The following USP8 variants were observed in gnomAD, a reference collection of about 807,000 sequenced individuals.
The protein encoded by USP8 is ubiquitin carboxyl-terminal hydrolase 8.
A neutral mutation model predicts 130.0 loss-of-function variants in USP8; 27 were observed. That is an observed-to-expected ratio of 0.21 (90% CI 0.15 to 0.29). The LOEUF is 0.29. USP8 is among the 10% of genes least tolerant of loss of function. The pLI is 1.00. For missense variants in USP8, 1,029 were observed against 1,312.2 expected (o/e 0.78, Z 3.33); for synonymous variants, 392 against 444.1 (o/e 0.88, Z 1.48).
At position 50,512,251 on chromosome 15, in the gene USP8, C is replaced by G. The variant is rs2052747901; in HGVS notation, c.*13163C>G. 1 of 151,644 alleles carries G rather than the reference C, an allele frequency of 6.6e-6. No homozygotes were observed. The highest frequency in any genetic ancestry group is 1.5e-5 in the Non-Finnish European group (1 of 68,024). The allele number at this position is 151,644 out of a possible 1,614,324, so 9.4% of individuals were successfully genotyped here. On this transcript the variant is annotated 3_prime_UTR_variant, in exon 20 of 20. Coordinates refer to ENST00000307179, the MANE Select transcript of USP8 (RefSeq NM_005154.5). ...GCTGAGTTACGAGAATCCCTTGAAC[C>G]TGGGAGGCGGAAGTTGCAGTGAGCT...
At chr15:50,496,311 C>T (rs1435807122) in intron 17 of USP8, among the ~76,000 whole-genome samples, 1 of 151,952 alleles carries the variant, frequency 6.6e-6, no homozygotes, top group East Asian at 1.9e-4. Flanking sequence ...GAAACCCCAT[C>T]TCTACTAAAA....
chr15:50,471,915 T>C, intron 8 of USP8, 120 bp downstream of exon 8: 1 of 1,198,466 alleles, frequency 8.3e-7, no homozygotes, highest in Non-Finnish European at 1.2e-6. Context: ...TTTTTTTTTT[T>C]TTTGAGACTG....
At chr15:50,483,569 C>T (rs1043497745) in intron 11 of USP8, among the ~76,000 whole-genome samples, 8 of 152,190 alleles carry the variant, frequency 5.3e-5, no homozygotes, top group African/African-American at 1.7e-4. Flanking sequence ...CCTAGACGAG[C>T]GGATCACTTG....
chr15:50,459,287 T>G (rs1298529224), intron 5 of USP8, 125 bp downstream of exon 5: 17 of 1,322,418 alleles, frequency 1.3e-5, no homozygotes, highest in Non-Finnish European at 1.6e-5. Flanking sequence ...ATGTTTTAAT[T>G]AGAAATTTAT....
chr15:50,481,111 A>G lies in USP8; in HGVS notation c.1219-370A>G, dbSNP rs577762383. ...TTTGGCTGTATGGGGTTTGAGATAC[A>G]TGTGTTGACACTCAAATGGAAATAT... is the stretch of plus-strand genomic sequence containing the variant. On this transcript the variant is annotated intron_variant, in intron 10 of 19. Coordinates refer to ENST00000307179, the MANE Select transcript of USP8 (RefSeq NM_005154.5). Among the ~76,000 whole-genome samples, 3 of 152,306 alleles carry G rather than the reference A, an allele frequency of 2.0e-5. No homozygotes were observed. The East Asian group carries it at 5.8e-4, about 29-fold the overall frequency.
chr15:50,495,869 AAAG>A lies in USP8; in HGVS notation c.2686_2688del (p.Glu896del). On this transcript the variant is annotated inframe_deletion, in exon 17 of 20. Coordinates refer to ENST00000307179, the MANE Select transcript of USP8 (RefSeq NM_005154.5). ...CCAGGCTGATAATCGGAAGAGATAT[AAAG>A]AAGAAAATAATGATCATCTCGATGA... The A allele has an allele frequency of 1.2e-6, 2 of 1,613,534 alleles. No homozygotes were observed. The highest frequency in any genetic ancestry group is 1.7e-6 in the Non-Finnish European group (2 of 1,179,680).
In USP8 at chr15:50,506,976, A is replaced by T. The variant is rs914753740; in HGVS notation, c.*7888A>T. The T allele has an allele frequency of 1.3e-5, 2 of 152,564 alleles. No homozygotes were observed. Among genetic ancestry groups the T allele is most frequent in the African/African-American group, 2.4e-5 (1 of 40,886 alleles). 9.5% of individuals were successfully genotyped at this position (152,564 alleles called of 1,614,324 possible). ...TCATCTCAAAAAAAAAAAAAAAAAA[A>T]AAAAAAAAAAAAAATCCAGTTTTAG... On this transcript the variant is annotated 3_prime_UTR_variant, in exon 20 of 20. Coordinates refer to ENST00000307179, the MANE Select transcript of USP8 (RefSeq NM_005154.5).
At chr15:50,433,274 G>A (rs1462840571) in intron 1 of USP8, among the ~76,000 whole-genome samples, 2 of 152,054 alleles carry the variant, frequency 1.3e-5, no homozygotes, top group Non-Finnish European at 2.9e-5. Flanking sequence ...TTAGTTGTTT[G>A]TGGCACCTTA....
At chr15:50,459,996 C>CTTTTTTTTTTTTT (rs1555386693) in intron 5 of USP8, among the ~76,000 whole-genome samples, 1 of 91,986 alleles carries the variant, frequency 1.1e-5, no homozygotes, top group African/African-American at 4.4e-5. Context: ...CACCCCCCCC[C>CTTTTTTTTTTTTT]TTTTTTTTTT....
Position 50,511,875 on chromosome 15 carries a change from G to A in USP8, c.*12787G>A, listed in dbSNP as rs909989084. ...TATTGGGGCATGGTGGTGCACACCT[G>A]TGGTCCCAGCTACTCGAGGGAGGGA... On this transcript the variant is annotated 3_prime_UTR_variant, in exon 20 of 20. Coordinates refer to ENST00000307179, the MANE Select transcript of USP8 (RefSeq NM_005154.5). 2 of 152,250 alleles carry A rather than the reference G, an allele frequency of 1.3e-5. No homozygotes were observed. The highest frequency in any genetic ancestry group is 2.9e-5 in the Non-Finnish European group (2 of 68,100). 9.4% of individuals were successfully genotyped at this position (152,250 alleles called of 1,614,324 possible).
At chr15:50,427,755 T>C (rs1259896629) in intron 1 of USP8, among the ~76,000 whole-genome samples, 1 of 151,770 alleles carries the variant, frequency 6.6e-6, no homozygotes, top group Non-Finnish European at 1.5e-5. Context: ...GATGGGGTTT[T>C]GCCATGTTGG....
chr15:50,481,982 A>G lies in USP8; in HGVS notation c.1720A>G (p.Arg574Gly), dbSNP rs1401252495. 1 of 1,595,776 alleles carries G rather than the reference A, an allele frequency of 6.3e-7. No homozygotes were observed. The highest frequency in any genetic ancestry group is 8.5e-7 in the Non-Finnish European group (1 of 1,175,152). Reference protein sequence around the residue: ...AKKSVEDRGKRCPTPEIQKKS... With the variant: ...AKKSVEDRGKGCPTPEIQKKS... ...GAAATCTGTAGAAGATAGGGGGAAA[A>G]GGTGTCCAACCCCAGAAATACAGAA... The change falls in exon 11 of 20, where the codon AGG (arginine) becomes GGG (glycine). Residue 574 changes from arginine to glycine, a missense_variant. Around this residue, in one of 4 missense-constraint regions of USP8, gnomAD observed 486 missense variants for 522.0 expected, o/e 0.93. Transcript: ENST00000307179.
At chr15:50,458,830 G>A (rs2141277568) in intron 4 of USP8, among the ~76,000 whole-genome samples, 170 bp from the exon 5 acceptor site, 1 of 152,318 alleles carries the variant, frequency 6.6e-6, no homozygotes, top group Middle Eastern at 3.4e-3. Flanking sequence ...GCAATTTGAA[G>A]TAAATCTACA....
At chr15:50,453,854 A>G (rs960121282) in intron 4 of USP8, among the ~76,000 whole-genome samples, 4 of 126,800 alleles carry the variant, frequency 3.2e-5, no homozygotes, top group African/African-American at 1.1e-4. Flanking sequence ...TACCTCTGGG[A>G]ATATTCTTTT....
intron 12 of USP8, among the ~76,000 whole-genome samples, chr15:50,487,773 C>T (rs375912270): frequency 3.3e-5 from 5 of 152,332 alleles, no homozygotes; most frequent in African/African-American, 4.8e-5. Context: ...GTAATTCTCA[C>T]GCATTAAGAA....
rs2052760981 is a variant in USP8 at position 50,513,244 on chromosome 15, T to C, written c.*14156T>C. 6.6e-6 allele frequency: 1 copy of C among 152,176 alleles called. No homozygotes were observed. The highest frequency in any genetic ancestry group is 1.5e-5 in the Non-Finnish European group (1 of 68,032). 9.4% of individuals were successfully genotyped at this position (152,176 alleles called of 1,614,324 possible). A position where few individuals can be genotyped will look rare whatever the true frequency, so the allele number is the denominator to read the frequency against. On this transcript the variant is annotated 3_prime_UTR_variant, in exon 20 of 20. Coordinates refer to ENST00000307179, the MANE Select transcript of USP8 (RefSeq NM_005154.5). ...AGAGAAACTCTTATGCACATATATA[T>C]GCAGGAATGTCTGCATAATGTTGTT... is the stretch of plus-strand genomic sequence containing the variant.
chr15:50,478,975 A>G (rs2051667075), intron 10 of USP8, among the ~76,000 whole-genome samples: 2 of 152,182 alleles, frequency 1.3e-5, no homozygotes, highest in Non-Finnish European at 2.9e-5. Flanking sequence ...GAATCACATG[A>G]ACCCAGGAAG....
At chr15:50,430,628 C>G (rs1036697526) in intron 1 of USP8, among the ~76,000 whole-genome samples, 2 of 151,834 alleles carry the variant, frequency 1.3e-5, no homozygotes, top group African/African-American at 2.4e-5. Flanking sequence ...AGCAGTTCAC[C>G]AAATCCTAGA....
At chr15:50,478,690 T>C (rs1407343037) in intron 10 of USP8, among the ~76,000 whole-genome samples, 2 of 152,228 alleles carry the variant, frequency 1.3e-5, no homozygotes, top group Non-Finnish European at 2.9e-5. Context: ...ACGCTAATCC[T>C]TTTGTGTCCC....
Sources: allele counts gnomAD v4.1 joint callset (sites outside exome capture counted in the v4.1 genomes callset), GRCh38; gene constraint gnomAD v4.1.1; regional missense constraint gnomAD v4.1.1; transcripts MANE v1.5; gene names NCBI Gene and HGNC (gene_info 2026-07-23, HGNC 2026-07-21).